The following CNBD1 variants were observed in gnomAD, a reference collection of about 807,000 sequenced individuals.
The protein encoded by CNBD1 is cyclic nucleotide binding domain containing 1.
In CNBD1, 71 loss-of-function variants were observed where a neutral mutation model predicts 54.4. The ratio of observed to expected loss-of-function variants is 1.30; its 90% confidence interval spans 1.08 to 1.59. CNBD1 has a LOEUF of 1.59. CNBD1 is among the 40% of genes most tolerant of loss of function. The probability of loss-of-function intolerance (pLI) is 0.00; values close to 1 mark genes in which losing one functional copy is unlikely to be tolerated. For synonymous variants in CNBD1, 182 were observed against 170.7 expected (o/e 1.07, Z -0.51); for missense variants, 659 against 518.0 (o/e 1.27, Z -2.64).
At chr8:87,300,067 G>A (rs975004720) in intron 8 of CNBD1, among the ~76,000 whole-genome samples, 1 of 152,022 alleles carries the variant, frequency 6.6e-6, no homozygotes, top group African/African-American at 2.4e-5. Flanking sequence ...GCTTAACCTG[G>A]CAAATGTTAA....
At chr8:87,137,763 C>T (rs377272101) in intron 4 of CNBD1, among the ~76,000 whole-genome samples, 3 of 152,024 alleles carry the variant, frequency 2.0e-5, no homozygotes, top group South Asian at 2.1e-4. Context: ...AGCATATGAA[C>T]GGGAAAAGTT....
chr8:87,398,432 A>G (rs1430913218), intron 2 of CNBD1, among the ~76,000 whole-genome samples: 2 of 151,916 alleles, frequency 1.3e-5, no homozygotes, highest in Non-Finnish European at 2.9e-5. Flanking sequence ...GATATGTACC[A>G]AAAAATGTAA....
At chr8:87,408,908 C>A (rs983210616) in intron 2 of CNBD1, among the ~76,000 whole-genome samples, 1 of 152,078 alleles carries the variant, frequency 6.6e-6, no homozygotes, top group Non-Finnish European at 1.5e-5. Flanking sequence ...TTTTGACTCC[C>A]TCACCAGTTT....
chr8:87,326,277 G>A lies in CNBD1; in HGVS notation c.1043-25408G>A, dbSNP rs1452866841. On this transcript the variant is annotated intron_variant, in intron 8 of 10. Transcript: ENST00000518476. ...CAACTTTGGTGAATCTGACAATGATGTGTCTTGGAGTTGCACTTCTCGAGG... is the reference window on the plus strand; with the variant it reads ...CAACTTTGGTGAATCTGACAATGATATGTCTTGGAGTTGCACTTCTCGAGG... 7.3e-5 allele frequency among the ~76,000 whole-genome samples: 9 copies of A among 122,736 alleles called. 2 individuals are homozygous for A. Among genetic ancestry groups the A allele is most frequent in the African/African-American group, 2.7e-4 (9 of 33,050 alleles). The allele number at this position is 122,736 out of a possible 152,430, so 80.5% of individuals were successfully genotyped here.
intron 4 of CNBD1, among the ~76,000 whole-genome samples, chr8:86,966,929 T>C (rs112794875): frequency 1.4e-4 from 22 of 152,316 alleles, no homozygotes; most frequent in African/African-American, 4.8e-4. Context: ...TGGTCCATCT[T>C]ACAGAGAGCT....
chr8:87,370,180 A>G (rs1343424768), intron 10 of CNBD1, among the ~76,000 whole-genome samples: 2 of 151,794 alleles, frequency 1.3e-5, no homozygotes, highest in Non-Finnish European at 2.9e-5. Flanking sequence ...TAGTGCCGCA[A>G]TAAACATACG....
intron 6 of CNBD1, among the ~76,000 whole-genome samples, chr8:87,270,760 C>T (rs1409621860): frequency 6.6e-6 from 1 of 151,500 alleles, no homozygotes; most frequent in Non-Finnish European, 1.5e-5. Flanking sequence ...GTAATGCTGA[C>T]CTTATAGAAT....
rs551131665 is a variant in CNBD1 at position 87,415,995 on chromosome 8, A to G, written c.214-12551A>G. 8.5e-5 allele frequency among the ~76,000 whole-genome samples: 13 copies of G among 152,100 alleles called. 1 individual carries two copies. The highest frequency in any genetic ancestry group is 2.9e-4 in the African/African-American group (12 of 41,566). ...TATGGACATTAACAAAAAAAATTACATCCACACACACATACACACACAAAA... is the reference window on the plus strand; with the variant it reads ...TATGGACATTAACAAAAAAAATTACGTCCACACACACATACACACACAAAA... On this transcript the variant is annotated intron_variant, in intron 2 of 7. Transcript: ENST00000521593.
At chr8:87,427,983 T>C (rs1034572202) in intron 2 of CNBD1, among the ~76,000 whole-genome samples, 5 of 152,072 alleles carry the variant, frequency 3.3e-5, no homozygotes, top group East Asian at 1.9e-4. Flanking sequence ...TTGGTTTGGG[T>C]AGGGTAGCCT....
At chr8:87,063,816 A>G (rs996273402) in intron 4 of CNBD1, among the ~76,000 whole-genome samples, 8 of 152,074 alleles carry the variant, frequency 5.3e-5, no homozygotes, top group African/African-American at 1.9e-4. Context: ...GAGGATTTAC[A>G]TATATCTTTT....
At chr8:87,329,126 C>T (rs994203871) in intron 8 of CNBD1, among the ~76,000 whole-genome samples, 28 of 151,846 alleles carry the variant, frequency 1.8e-4, no homozygotes, top group African/African-American at 5.6e-4. Context: ...TGTCTATATT[C>T]GCTCTTTTGC....
Position 86,963,458 on chromosome 8 carries a change from A to AG in CNBD1, c.431+23710dup, listed in dbSNP as rs903571143. 2.0e-5 allele frequency among the ~76,000 whole-genome samples: 3 copies of AG among 152,110 alleles called. No individual in the cohort carries two copies. The South Asian group carries it at 6.2e-4, about 32-fold the overall frequency. ...GAAGCTTCGGAGAAAAAGGTGCCTC[A>AG]GGGGGGTGTATGAACCCATTAAATT... is the stretch of plus-strand genomic sequence containing the variant. On this transcript the variant is annotated intron_variant, in intron 4 of 10. Coordinates refer to ENST00000518476, the MANE Select transcript of CNBD1 (RefSeq NM_173538.3).
At chr8:86,956,674 G>A (rs2130459313) in intron 4 of CNBD1, among the ~76,000 whole-genome samples, 1 of 152,288 alleles carries the variant, frequency 6.6e-6, no homozygotes, top group South Asian at 2.1e-4. Context: ...TTTGCACATT[G>A]ATTTGGTATC....
chr8:87,214,860 A>G (rs1310048105), intron 5 of CNBD1, among the ~76,000 whole-genome samples: 1 of 152,154 alleles, frequency 6.6e-6, no homozygotes, highest in Non-Finnish European at 1.5e-5. Context: ...TGCCCCCATG[A>G]TTCAGTTATC....
rs200183663 is a variant in CNBD1, at chr8:87,197,602, C to T, written c.432-8391C>T. On this transcript the variant is annotated intron_variant, in intron 4 of 10. Transcript: ENST00000518476. ...TGGCCCAAATCAGGCATTCTAAATACGTTCTTGGATACTCATGTAGAAAGT... is the reference window on the plus strand; with the variant it reads ...TGGCCCAAATCAGGCATTCTAAATATGTTCTTGGATACTCATGTAGAAAGT... Among the ~76,000 whole-genome samples the T allele has an allele frequency of 3.3e-5, 5 of 152,074 alleles. No homozygotes were observed. The East Asian group carries it at 5.8e-4, about 18-fold the overall frequency.
intron 3 of CNBD1, among the ~76,000 whole-genome samples, chr8:86,934,550 T>G (rs1007416918): frequency 2.0e-5 from 3 of 152,228 alleles, no homozygotes; most frequent in Non-Finnish European, 4.4e-5. Context: ...GCAATATCCA[T>G]GACGTTTCTG....
intron 2 of CNBD1, among the ~76,000 whole-genome samples, chr8:87,419,832 G>C (rs2130991869): frequency 6.6e-6 from 1 of 151,452 alleles, no homozygotes; most frequent in South Asian, 2.1e-4. Flanking sequence ...CCCTTCTAAA[G>C]GACAAGAGAG....
chr8:87,291,897 C>A (rs1268531577), intron 8 of CNBD1, among the ~76,000 whole-genome samples: 3 of 152,016 alleles, frequency 2.0e-5, no homozygotes, highest in Admixed American at 6.6e-5. Flanking sequence ...TTTTTTAGTA[C>A]CCAACAAATA....
chr8:87,001,302 A>G (rs948828923), intron 4 of CNBD1, among the ~76,000 whole-genome samples: 14 of 152,034 alleles, frequency 9.2e-5, no homozygotes, highest in African/African-American at 3.1e-4. Context: ...TTATAGTGTA[A>G]GTTAATAAGT....
Sources: allele counts gnomAD v4.1 joint callset (sites outside exome capture counted in the v4.1 genomes callset), GRCh38; gene constraint gnomAD v4.1.1; transcripts MANE v1.5; gene names NCBI Gene and HGNC (gene_info 2026-07-23, HGNC 2026-07-21).